Variants in NADK observed in about 807,000 individuals in gnomAD.
NADK encodes poly(P)/ATP NAD kinase.
Under a neutral mutation model 49.8 loss-of-function variants are expected in NADK, and 22 were observed. That is an observed-to-expected ratio of 0.44 (90% CI 0.32 to 0.63). The LOEUF is 0.63. Ranked by LOEUF, NADK falls within the 30% of genes least tolerant of loss-of-function variation. The pLI is 0.06. For missense variants in NADK, 438 were observed against 609.4 expected (o/e 0.72, Z 2.96); for synonymous variants, 268 against 253.7 (o/e 1.06, Z -0.54).
intron 1 of NADK, among the ~76,000 whole-genome samples, chr1:1,768,874 T>C (rs1026263617): frequency 3.3e-5 from 5 of 152,162 alleles, no homozygotes; most frequent in African/African-American, 9.7e-5. Flanking sequence ...GACACAAGAC[T>C]GTGGGCCCTA....
chr1:1,757,667 G>A (rs763993631), intron 3 of NADK, among the ~76,000 whole-genome samples: 4 of 152,138 alleles, frequency 2.6e-5, no homozygotes, highest in Admixed American at 1.3e-4. Context: ...AAATGACCAC[G>A]AAAGCCCATG....
Position 1,757,147 on chromosome 1 carries a change from CACCCCAGGCCCCCTT to C in NADK, c.393+19_393+33del. The C allele has an allele frequency of 2.8e-6, 4 of 1,417,128 alleles. No individual in the cohort carries two copies. Among genetic ancestry groups the C allele is most frequent in the Non-Finnish European group, 3.9e-6 (4 of 1,033,582 alleles). The allele number at this position is 1,417,128 out of a possible 1,614,324, so 87.8% of individuals were successfully genotyped here. On this transcript the variant is annotated intron_variant, in intron 4 of 11. Coordinates refer to ENST00000341426, the MANE Select transcript of NADK (RefSeq NM_023018.5). Reference sequence around the variant, plus strand: ...ATGGAGGCCCCCCCAACTCCATGTGCACCCCAGGCCCCCTTCCCCCCTGCCCCGCGTGCCTCCATG... The same window carrying C: ...ATGGAGGCCCCCCCAACTCCATGTGCCCCCCCTGCCCCGCGTGCCTCCATG...
chr1:1,766,935 G>T lies in NADK; in HGVS notation c.-40-1489C>A, dbSNP rs1645906933. ...TAGAACCTCATCTTTTTTTTTTTGA[G>T]ACAGAGTCTCACTCTGTCGCCCACG... On this transcript the variant is annotated intron_variant, in intron 1 of 11. Coordinates refer to ENST00000341426, the MANE Select transcript of NADK (RefSeq NM_023018.5). 2.7e-5 allele frequency among the ~76,000 whole-genome samples: 4 copies of T among 149,472 alleles called. No homozygotes were observed. In the South Asian group the frequency reaches 6.3e-4, roughly 24 times the overall value.
At chr1:1,774,335 A>G (rs1045032182) in intron 1 of NADK, among the ~76,000 whole-genome samples, 3 of 152,078 alleles carry the variant, frequency 2.0e-5, no homozygotes, top group Non-Finnish European at 2.9e-5. Flanking sequence ...GGTTCAAGCA[A>G]TTCTCCTGCC....
intron 1 of NADK, among the ~76,000 whole-genome samples, chr1:1,773,390 C>T (rs1246171141): frequency 3.3e-5 from 5 of 151,404 alleles, no homozygotes; most frequent in Non-Finnish European, 5.9e-5. Flanking sequence ...ATCCGCCCGC[C>T]TCGGCCTCCC....
chr1:1,756,403 A>G (rs896581639), intron 5 of NADK, 60 bp from the exon 6 acceptor site: 49 of 1,606,940 alleles, frequency 3.0e-5, no homozygotes, highest in Non-Finnish European at 3.7e-5. Context: ...TCTGTGGCGC[A>G]GTGCGCAGAC....
chr1:1,755,302 A>G, intron 7 of NADK, 72 bp downstream of exon 7: 2 of 1,055,236 alleles, frequency 1.9e-6, no homozygotes, highest in Non-Finnish European at 2.9e-6. Context: ...ATGAAAATAA[A>G]CCCCCCGCAA....
chr1:1,757,088 G>A (rs1645550561), intron 4 of NADK, 93 bp downstream of exon 4: 16 of 1,529,028 alleles, frequency 1.0e-5, no homozygotes, highest in African/African-American at 1.4e-5. Flanking sequence ...AGCACTTGAG[G>A]TGGTTCCCAT....
chr1:1,767,358 C>T (rs1367552312), intron 1 of NADK, among the ~76,000 whole-genome samples: 1 of 152,234 alleles, frequency 6.6e-6, no homozygotes, highest in African/African-American at 2.4e-5. Flanking sequence ...ACATCTGGAA[C>T]ACCCAGAAGC....
In NADK at chr1:1,754,765, G is replaced by A. The variant is rs1461153265; in HGVS notation, c.689-67C>T. On this transcript the variant is annotated intron_variant, in intron 7 of 11. Transcript: ENST00000341426. The surrounding 1 kb of genome is among the most constrained non-coding windows in gnomAD (Gnocchi z 4.3). ...CAGTGGGGTCAGGGGCCCCACCCCA[G>A]GGAGGCCAGTGGGAGTCAGAGGGCT... The A allele has an allele frequency of 3.4e-6, 5 of 1,483,922 alleles. No homozygotes were observed. In the South Asian group the frequency reaches 3.9e-5, roughly 12 times the overall value. 91.9% of individuals were successfully genotyped at this position (1,483,922 alleles called of 1,614,324 possible). A position where few individuals can be genotyped will look rare whatever the true frequency, so the allele number is the denominator to read the frequency against.
chr1:1,759,170 GCGT>G, intron 3 of NADK: 1 of 1,565,416 alleles, frequency 6.4e-7, no homozygotes, highest in Non-Finnish European at 8.7e-7. Context: ...ACCAGCAGCG[GCGT>G]CGTACACCGG....
At chr1:1,765,707 T>C (rs964488948) in intron 1 of NADK, among the ~76,000 whole-genome samples, 16 of 151,298 alleles carry the variant, frequency 1.1e-4, no homozygotes, top group African/African-American at 3.6e-4. Context: ...AGGCCAGGAG[T>C]TCGAAACCAG....
At chr1:1,755,753 G>A (rs373336406) in intron 6 of NADK, among the ~76,000 whole-genome samples, 8 of 152,312 alleles carry the variant, frequency 5.3e-5, no homozygotes, top group East Asian at 3.9e-4. Flanking sequence ...TGGCGAGGGC[G>A]GGTGGGAGGC....
chr1:1,765,037 C>T (rs1158752985), intron 2 of NADK, among the ~76,000 whole-genome samples, 191 bp downstream of exon 2: 1 of 152,246 alleles, frequency 6.6e-6, no homozygotes. Flanking sequence ...CACCTGGGAA[C>T]GTGCGCCAGG....
Position 1,754,551 on chromosome 1 carries a change from T to G in NADK, c.836A>C (p.Gln279Pro), listed in dbSNP as rs1171052608. 3.7e-6 allele frequency: 6 copies of G among 1,611,788 alleles called. No homozygotes were observed. Among genetic ancestry groups the G allele is most frequent in the African/African-American group, 1.3e-5 (1 of 74,886 alleles). ...LDMDVGKQAMQYQVLNEVVID... is the reference protein window; with the variant it reads ...LDMDVGKQAMPYQVLNEVVID... ...CGAGGCGCCTCCACTCACCTGGTAC[T>G]GCATGGCCTGCTTCCCGACATCCAT... is the stretch of plus-strand genomic sequence containing the variant. The change falls in exon 8 of 12, where the codon CAG becomes CCG. Residue 279 changes from glutamine (Q) to proline (P), a missense_variant. Gln to Pro is a moderately conservative substitution (Grantham distance 76, BLOSUM62 -1). Transcript: ENST00000341426. The surrounding 1 kb of genome is among the most constrained non-coding windows in gnomAD (Gnocchi z 4.3).
chr1:1,761,902 G>C (rs1645736938), intron 3 of NADK, 50 bp downstream of exon 3: 6 of 1,563,248 alleles, frequency 3.8e-6, no homozygotes, highest in Non-Finnish European at 5.3e-6. Context: ...TGATGGTCTA[G>C]GGGTTCTCTC....
intron 1 of NADK, among the ~76,000 whole-genome samples, chr1:1,777,831 G>A (rs1438747099): frequency 6.6e-6 from 1 of 152,240 alleles, no homozygotes; most frequent in Non-Finnish European, 1.5e-5. Context: ...AATCAGAGAT[G>A]TGTTTTTAGA....
intron 1 of NADK, 80 bp from the exon 2 acceptor site, chr1:1,765,526 C>A: frequency 1.4e-6 from 1 of 703,536 alleles, no homozygotes; most frequent in Non-Finnish European, 2.1e-6. Context: ...TACATATGTT[C>A]CATTTCATCA....
chr1:1,753,759 G>C (rs1404935925), intron 10 of NADK, 110 bp from the exon 11 acceptor site: 1 of 1,040,204 alleles, frequency 9.6e-7, no homozygotes, highest in Non-Finnish European at 1.4e-6. Flanking sequence ...CTCTGACCCT[G>C]CCTTGCGGAC....
Sources: allele counts gnomAD v4.1 joint callset (sites outside exome capture counted in the v4.1 genomes callset), GRCh38; gene constraint gnomAD v4.1.1; non-coding constraint Gnocchi (gnomAD v3.1); transcripts MANE v1.5; gene names NCBI Gene and HGNC (gene_info 2026-07-23, HGNC 2026-07-21).